The following ROBO2 variants were observed in gnomAD, a reference collection of about 807,000 sequenced individuals.
The protein encoded by ROBO2 is roundabout homolog 2.
Under a neutral mutation model 160.8 loss-of-function variants are expected in ROBO2, and 53 were observed. That is an observed-to-expected ratio of 0.33 (90% CI 0.26 to 0.41). ROBO2 has a LOEUF of 0.41. ROBO2 is among the 10% of genes least tolerant of loss of function. ROBO2 has a pLI of 1.00. For synonymous variants in ROBO2, 664 were observed against 611.7 expected, an observed-to-expected ratio of 1.09 and a Z score of -1.26; for missense variants, 1,577 against 1,722.4, an observed-to-expected ratio of 0.92 and a Z score of 1.49.
intron 2 of ROBO2, among the ~76,000 whole-genome samples, chr3:76,782,318 G>C (rs568759423): frequency 3.3e-5 from 5 of 150,726 alleles, no homozygotes; most frequent in African/African-American, 1.2e-4. Context: ...ATCTACTCTG[G>C]AGAATTCTGT....
intron 2 of ROBO2, among the ~76,000 whole-genome samples, chr3:76,508,974 A>C (rs1261609008): frequency 6.6e-6 from 1 of 152,190 alleles, no homozygotes; most frequent in Non-Finnish European, 1.5e-5. Flanking sequence ...ATGCATATGT[A>C]GATATGTGAA....
chr3:76,852,773 T>G (rs980798382), intron 2 of ROBO2, among the ~76,000 whole-genome samples: 3 of 152,200 alleles, frequency 2.0e-5, no homozygotes, highest in African/African-American at 7.2e-5. Context: ...AAACTTACAT[T>G]GGTAGATGCA....
intron 2 of ROBO2, among the ~76,000 whole-genome samples, chr3:76,692,257 G>A (rs937717131): frequency 1.3e-5 from 2 of 152,150 alleles, no homozygotes; most frequent in Admixed American, 6.6e-5. Context: ...CATTTCCAAG[G>A]AAATTCTTTG....
At chr3:77,293,955 T>A (rs2061662840) in intron 2 of ROBO2, among the ~76,000 whole-genome samples, 1 of 143,608 alleles carries the variant, frequency 7.0e-6, no homozygotes, top group Admixed American at 7.3e-5. Context: ...ACGGGTAAGC[T>A]GAGGCTAGAT....
At chr3:76,520,744 C>T (rs2081567301) in intron 2 of ROBO2, among the ~76,000 whole-genome samples, 1 of 152,090 alleles carries the variant, frequency 6.6e-6, no homozygotes, top group Non-Finnish European at 1.5e-5. Flanking sequence ...GAAACCTCTA[C>T]ATTATAGGAT....
chr3:76,292,454 G>C (rs1035108243), intron 2 of ROBO2, among the ~76,000 whole-genome samples: 1 of 152,204 alleles, frequency 6.6e-6, no homozygotes, highest in East Asian at 1.9e-4. Context: ...TGTCAAACTT[G>C]ACAACATATA....
At chr3:77,566,595 A>G (rs1424647458) in intron 12 of ROBO2, among the ~76,000 whole-genome samples, 2 of 152,038 alleles carry the variant, frequency 1.3e-5, no homozygotes, top group Non-Finnish European at 2.9e-5. Context: ...ATGGGAAGAT[A>G]TTTGGTGTGA....
intron 2 of ROBO2, among the ~76,000 whole-genome samples, chr3:76,739,292 A>G (rs908238271): frequency 1.3e-5 from 2 of 152,176 alleles, no homozygotes; most frequent in Non-Finnish European, 2.9e-5. Context: ...ATGGAATACT[A>G]TGCAGCCATA....
chr3:76,357,488 G>A (rs949861547), intron 2 of ROBO2, among the ~76,000 whole-genome samples: 2 of 151,928 alleles, frequency 1.3e-5, no homozygotes, highest in African/African-American at 2.4e-5. Context: ...ATAAAAGCAG[G>A]TCAAACAAAT....
chr3:76,649,021 G>A (rs73841263), intron 2 of ROBO2, among the ~76,000 whole-genome samples: 13,989 of 152,026 alleles, frequency 0.092, 2,106 homozygotes, highest in African/African-American at 0.31. Context: ...GATGCAGTAC[G>A]TCAGGAAATG....
chr3:76,727,152 A>G (rs981413426), intron 2 of ROBO2, among the ~76,000 whole-genome samples: 2 of 152,186 alleles, frequency 1.3e-5, no homozygotes, highest in African/African-American at 2.4e-5. Context: ...TATTTGTAAC[A>G]TAGAAAAAGC....
At chr3:76,158,522 T>G (rs934355725) in intron 2 of ROBO2, among the ~76,000 whole-genome samples, 1 of 152,170 alleles carries the variant, frequency 6.6e-6, no homozygotes, top group Non-Finnish European at 1.5e-5. Flanking sequence ...TTTGAGTCTA[T>G]TTGATACATA....
chr3:76,982,141 T>A (rs2060131889), intron 2 of ROBO2, among the ~76,000 whole-genome samples: 1 of 152,218 alleles, frequency 6.6e-6, no homozygotes, highest in Admixed American at 6.5e-5. Context: ...GTTTCGTATC[T>A]AAGAAACTAC....
At chr3:76,553,824 T>G (rs1226671103) in intron 2 of ROBO2, among the ~76,000 whole-genome samples, 2 of 152,152 alleles carry the variant, frequency 1.3e-5, no homozygotes, top group Admixed American at 6.6e-5. Flanking sequence ...TATTTTCTGC[T>G]CATAAGCAAT....
At chr3:76,473,613 G>C (rs1014835471) in intron 2 of ROBO2, among the ~76,000 whole-genome samples, 1 of 152,050 alleles carries the variant, frequency 6.6e-6, no homozygotes, top group African/African-American at 2.4e-5. Context: ...TAGAAAATCT[G>C]GTGAGGCGAT....
intron 2 of ROBO2, among the ~76,000 whole-genome samples, chr3:76,049,925 G>A (rs2067597962): frequency 6.6e-6 from 1 of 152,144 alleles, no homozygotes. Flanking sequence ...TCTTTGTGCT[G>A]TAAAATAACC....
At chr3:77,031,416 T>C (rs1398851525) in intron 2 of ROBO2, among the ~76,000 whole-genome samples, 2 of 148,664 alleles carry the variant, frequency 1.3e-5, no homozygotes, top group African/African-American at 4.9e-5. Flanking sequence ...GTATATACAG[T>C]GCATAAGCAT....
chr3:77,604,268 T>A (rs557290159), intron 20 of ROBO2, among the ~76,000 whole-genome samples: 1 of 152,284 alleles, frequency 6.6e-6, no homozygotes, highest in East Asian at 1.9e-4. Context: ...AGACTGCCAT[T>A]TATTTATAAT....
chr3:76,214,648 TAAAC>T (rs1703378825), intron 2 of ROBO2, among the ~76,000 whole-genome samples: 2 of 152,062 alleles, frequency 1.3e-5, no homozygotes, highest in Admixed American at 6.5e-5. Flanking sequence ...CTTGAGTAGG[TAAAC>T]AAAGCAGCCA....
Sources: allele counts gnomAD v4.1 joint callset (sites outside exome capture counted in the v4.1 genomes callset), GRCh38; gene constraint gnomAD v4.1.1; transcripts MANE v1.5; gene names NCBI Gene and HGNC (gene_info 2026-07-23, HGNC 2026-07-21).